The following PPM1B variants were observed in gnomAD, a reference collection of about 807,000 sequenced individuals.
The protein encoded by PPM1B is protein phosphatase 1B.
PPM1B carries 22 observed loss-of-function variants against 43.0 expected under a neutral mutation model. The observed-to-expected ratio is 0.51, with a 90% CI of 0.37 to 0.73. The LOEUF (loss-of-function observed/expected upper bound fraction) is 0.73. Ranked by LOEUF, PPM1B falls within the 30% of genes least tolerant of loss-of-function variation. The pLI is 0.00. For missense variants in PPM1B, 632 were observed against 584.2 expected, an observed-to-expected ratio of 1.08 and a Z score of -0.84; for synonymous variants, 217 against 197.9, an observed-to-expected ratio of 1.10 and a Z score of -0.81.
At chr2:44,211,916 A>G (rs919268310) in intron 3 of PPM1B, among the ~76,000 whole-genome samples, 2 of 151,816 alleles carry the variant, frequency 1.3e-5, no homozygotes, top group African/African-American at 4.8e-5. Context: ...CACCCGGCCA[A>G]TTTTGTATGT....
exon 6 of PPM1B, chr2:44,244,316 G>T: frequency 7.3e-7 from 1 of 1,361,446 alleles, no homozygotes; most frequent in Non-Finnish European, 9.8e-7. Flanking sequence ...CAAGCACTCA[G>T]AAGCACGCGG....
At chr2:44,184,363 C>T (rs920025579) in intron 1 of PPM1B, among the ~76,000 whole-genome samples, 1 of 152,186 alleles carries the variant, frequency 6.6e-6, no homozygotes, top group African/African-American at 2.4e-5. Flanking sequence ...TTTCCTCCCA[C>T]AACTCTGGTT....
intron 2 of PPM1B, 114 bp from the exon 3 acceptor site, chr2:44,209,096 A>G: frequency 1.0e-6 from 1 of 966,054 alleles, no homozygotes; most frequent in East Asian, 2.8e-5. Context: ...TGAATGTGTT[A>G]AACATAAACG....
At chr2:44,218,899 C>T (rs1294611218) in intron 5 of PPM1B, 1 of 465,238 alleles carries the variant, frequency 2.1e-6, no homozygotes, top group South Asian at 1.5e-5. Context: ...CTGCTGCCAT[C>T]ACCAGAAGTT....
At chr2:44,202,285 G>A (rs145967063) in intron 2 of PPM1B, among the ~76,000 whole-genome samples, 311 of 152,210 alleles carry the variant, frequency 2.0e-3, no homozygotes, top group African/African-American at 7.3e-3. Context: ...GTACTTCATA[G>A]CTTGTTGCTG....
intron 1 of PPM1B, among the ~76,000 whole-genome samples, chr2:44,200,127 T>G (rs1668864776): frequency 6.6e-6 from 1 of 152,158 alleles, no homozygotes; most frequent in South Asian, 2.1e-4. Context: ...CAGCAAACAT[T>G]TTATGGTGTT....
intron 1 of PPM1B, among the ~76,000 whole-genome samples, chr2:44,187,256 G>A (rs1233796706): frequency 6.6e-6 from 1 of 152,072 alleles, no homozygotes; most frequent in African/African-American, 2.4e-5. Context: ...TTTTTTTAAG[G>A]CTGAAGAATA....
At chr2:44,209,915 CTGTT>C (rs1211977267) in intron 3 of PPM1B, among the ~76,000 whole-genome samples, 1 of 152,104 alleles carries the variant, frequency 6.6e-6, no homozygotes, top group Non-Finnish European at 1.5e-5. Context: ...ACAAATATGT[CTGTT>C]TCACCACCAA....
intron 1 of PPM1B, among the ~76,000 whole-genome samples, chr2:44,178,474 A>ATATATATAT (rs1445760590): frequency 1.6e-4 from 21 of 135,334 alleles, no homozygotes; most frequent in African/African-American, 5.8e-4. Flanking sequence ...ATATATATAT[A>ATATATATAT]TTTTTTTTTT....
intron 1 of PPM1B, among the ~76,000 whole-genome samples, chr2:44,195,573 CT>C (rs1359378498): frequency 1.3e-5 from 2 of 152,076 alleles, no homozygotes; most frequent in Non-Finnish European, 2.9e-5. Context: ...AATTCCAGCA[CT>C]TTTGATGTGG....
At chr2:44,190,181 C>T (rs1372442254) in intron 1 of PPM1B, among the ~76,000 whole-genome samples, 10 of 142,312 alleles carry the variant, frequency 7.0e-5, no homozygotes, top group African/African-American at 1.8e-4. Context: ...TTTTTGAGAC[C>T]GTCTTGCCCT....
chr2:44,200,217 G>C (rs1240974333), intron 1 of PPM1B, among the ~76,000 whole-genome samples: 1 of 152,208 alleles, frequency 6.6e-6, no homozygotes, highest in African/African-American at 2.4e-5. Flanking sequence ...AGGTACAGGT[G>C]ACTAAGAAAT....
exon 6 of PPM1B, chr2:44,244,354 C>G (rs746208871): frequency 2.2e-6 from 3 of 1,357,326 alleles, no homozygotes; most frequent in Admixed American, 1.9e-5. Context: ...TAAACCCGAA[C>G]GAAAAATAAA....
downstream of PPM1B, chr2:44,234,552 G>A (rs559178030): frequency 2.2e-5 from 22 of 982,986 alleles, no homozygotes; most frequent in Middle Eastern, 2.1e-3. Context: ...AAACTTTTCC[G>A]GCAGGGGGCA....
chr2:44,201,247 T>A lies in PPM1B; in HGVS notation c.48T>A (p.His16Gln), dbSNP rs200186918. ...CCAAAACTGAAAAACATAATGCTCA[T>A]GGTGCTGGGAATGGTTTACGTTATG... ...DKPKTEKHNA[H>Q]GAGNGLRYGL... Residue 16 changes from histidine to glutamine, a missense_variant, in exon 2 of 6, where the codon CAT becomes CAA. By Grantham distance (24) the His-to-Gln change is conservative. Coordinates refer to ENST00000282412, the MANE Select transcript of PPM1B (RefSeq NM_002706.6). This position sits in a 1 kb window ranked among gnomAD's most constrained non-coding sequence, Gnocchi z 5.4. 6.2e-7 allele frequency: 1 copy of A among 1,611,548 alleles called. No individual in the cohort carries two copies. The highest frequency in any genetic ancestry group is 1.7e-5 in the Admixed American group (1 of 59,658).
At chr2:44,234,241 C>T (rs894591088), downstream of PPM1B, 9 of 978,618 alleles carry the variant, frequency 9.2e-6, no homozygotes, top group Admixed American at 6.2e-5. Flanking sequence ...CTGCCTTTGG[C>T]CGGGTGCATT....
chr2:44,230,312 C>G (rs1670412444), intron 5 of PPM1B, 101 bp from the exon 6 acceptor site: 1 of 1,525,452 alleles, frequency 6.6e-7, no homozygotes, highest in South Asian at 1.3e-5. Context: ...GACTATATTA[C>G]TTTTCGGTAG....
intron 5 of PPM1B, among the ~76,000 whole-genome samples, chr2:44,226,345 T>G (rs1670208697): frequency 1.3e-5 from 2 of 152,170 alleles, no homozygotes; most frequent in Admixed American, 1.3e-4. Context: ...GAAATACAGG[T>G]GATTAATAAT....
rs1308907282 is a variant in PPM1B at position 44,241,855 on chromosome 2, A to ATTT, written n.1547-2372_1547-2371insTTT. On this transcript the variant is annotated intron_variant and non_coding_transcript_variant, in intron 5 of 5. Coordinates refer to the PPM1B transcript ENST00000378540. ...CTGTTATAATAAGTATTAGAAAATA[A>ATTT]TCTTTTTTTTTTTTTTTTTTTGAGA... Among the ~76,000 whole-genome samples the ATTT allele has an allele frequency of 1.2e-4, 4 of 32,854 alleles. No individual in the cohort carries two copies. The East Asian group carries it at 3.0e-3, about 25-fold the overall frequency. The allele number at this position is 32,854 out of a possible 152,430, so 21.6% of individuals were successfully genotyped here. A position where few individuals can be genotyped will look rare whatever the true frequency, so the allele number is the denominator to read the frequency against.
Sources: gnomAD v4.1 joint callset for allele counts (sites outside exome capture counted in the v4.1 genomes callset) on GRCh38, gnomAD v4.1.1 for gene constraint, Gnocchi (gnomAD v3.1) non-coding constraint, MANE v1.5 for transcripts, NCBI Gene and HGNC (gene_info 2026-07-23, HGNC 2026-07-21) for gene names.